The following ZFYVE28 variants were observed in gnomAD, a reference collection of about 807,000 sequenced individuals.
The protein encoded by ZFYVE28 is zinc finger FYVE-type containing 28.
A neutral mutation model predicts 82.1 loss-of-function variants in ZFYVE28; 40 were observed. The observed-to-expected ratio is 0.49, with a 90% CI of 0.38 to 0.63. The LOEUF (loss-of-function observed/expected upper bound fraction) is 0.63, where lower values mean the gene tolerates loss of function less well. Ranked by LOEUF, ZFYVE28 falls within the 30% of genes least tolerant of loss-of-function variation. The probability of loss-of-function intolerance (pLI) is 0.00; values close to 1 mark genes in which losing one functional copy is unlikely to be tolerated. For synonymous variants in ZFYVE28, 612 were observed against 546.1 expected (o/e 1.12, Z -1.68); for missense variants, 1,321 against 1,242.1 (o/e 1.06, Z -0.96).
At chr4:2,304,252 A>G in intron 8 of ZFYVE28, 37 bp downstream of exon 8, 1 of 1,517,938 alleles carries the variant, frequency 6.6e-7, no homozygotes, top group South Asian at 1.3e-5. Context: ...CAGTGCAGAG[A>G]GGACAAACCC....
chr4:2,373,013 C>T (rs1319970171), intron 1 of ZFYVE28, among the ~76,000 whole-genome samples: 4 of 152,120 alleles, frequency 2.6e-5, no homozygotes, highest in Non-Finnish European at 4.4e-5. Flanking sequence ...CCTGAGCCAG[C>T]CTCTACCCCC....
intron 1 of ZFYVE28, among the ~76,000 whole-genome samples, chr4:2,407,925 G>A (rs1732095008): frequency 2.0e-5 from 3 of 152,168 alleles, no homozygotes; most frequent in Admixed American, 6.5e-5. Context: ...GGCTTGGTTT[G>A]ACCTTACGCA....
At chr4:2,323,529 AT>A (rs542831117) in intron 6 of ZFYVE28, among the ~76,000 whole-genome samples, 29 of 150,798 alleles carry the variant, frequency 1.9e-4, no homozygotes, top group African/African-American at 4.4e-4. Flanking sequence ...ATGCATCACA[AT>A]TTTTTTTTCT....
chr4:2,404,144 C>G (rs1299125741), intron 1 of ZFYVE28, among the ~76,000 whole-genome samples: 1 of 151,580 alleles, frequency 6.6e-6, no homozygotes, highest in Non-Finnish European at 1.5e-5. Flanking sequence ...CACGGTGAAA[C>G]CCTGTCTCTA....
intron 1 of ZFYVE28, among the ~76,000 whole-genome samples, chr4:2,361,491 G>T (rs552314454): frequency 3.9e-5 from 6 of 152,096 alleles, no homozygotes; most frequent in Non-Finnish European, 7.4e-5. Context: ...CAGCAGTTAC[G>T]AGGGCTGGCC....
chr4:2,341,581 T>C lies in ZFYVE28; in HGVS notation c.215A>G (p.Asp72Gly), dbSNP rs1310586966. 6.2e-7 allele frequency: 1 copy of C among 1,613,646 alleles called. No individual in the cohort carries two copies. The highest frequency in any genetic ancestry group is 1.7e-5 in the Admixed American group (1 of 60,004). The part of the protein sequence containing the change: ...NVLNIINQIM[D>G]ECIPQDRAPR... ...GGCGCGGTCCTGGGGGATGCACTCA[T>C]CCATGATCTGGTTAATGATGTTCAA... is the stretch of plus-strand genomic sequence containing the variant. Residue 72 changes from aspartate (D) to glycine (G), a missense_variant, in exon 3 of 13, where the codon GAT becomes GGT. This residue lies in a region of ZFYVE28 where 343 missense variants were observed against 408.4 expected (regional missense o/e 0.84). Coordinates refer to ENST00000290974, the MANE Select transcript of ZFYVE28 (RefSeq NM_020972.3). The surrounding 1 kb of genome is among the most constrained non-coding windows in gnomAD (Gnocchi z 4.5).
chr4:2,278,970 T>C (rs1711549084), intron 8 of ZFYVE28, among the ~76,000 whole-genome samples: 1 of 144,252 alleles, frequency 6.9e-6, no homozygotes, highest in African/African-American at 2.5e-5. Flanking sequence ...AAATATGAAG[T>C]TGTGGTGAGG....
At chr4:2,321,953 G>A (rs1016189186) in intron 6 of ZFYVE28, among the ~76,000 whole-genome samples, 18 of 152,164 alleles carry the variant, frequency 1.2e-4, no homozygotes, top group African/African-American at 4.1e-4. Context: ...AAAAGAACTC[G>A]TTCATCAGGA....
intron 8 of ZFYVE28, among the ~76,000 whole-genome samples, chr4:2,299,781 G>A (rs2108817931): frequency 6.6e-6 from 1 of 150,834 alleles, no homozygotes; most frequent in Non-Finnish European, 1.5e-5. Flanking sequence ...GATTTGGGGT[G>A]ATATTTATTT....
chr4:2,273,067 C>T (rs1197808339), intron 10 of ZFYVE28, 106 bp downstream of exon 10: 1 of 925,122 alleles, frequency 1.1e-6, no homozygotes, highest in Non-Finnish European at 1.7e-6. Flanking sequence ...GGTCGGGACC[C>T]TATCTCCCCA....
intron 8 of ZFYVE28, among the ~76,000 whole-genome samples, chr4:2,278,885 A>G (rs1053904610): frequency 1.1e-4 from 17 of 152,040 alleles, no homozygotes; most frequent in Non-Finnish European, 1.9e-4. Flanking sequence ...TGCCAAAAAA[A>G]TTACAATTAA....
intron 7 of ZFYVE28, among the ~76,000 whole-genome samples, chr4:2,307,429 G>T (rs4974649): frequency 0.45 from 68,269 of 151,984 alleles, 16,318 homozygotes; most frequent in Middle Eastern, 0.55. Context: ...TTTGTGTCCT[G>T]TTTAAGAAAT....
intron 6 of ZFYVE28, chr4:2,331,104 A>C (rs898744283): frequency 4.2e-4 from 13 of 31,276 alleles, no homozygotes; most frequent in East Asian, 1.3e-3. Context: ...GGGGCTGGGG[A>C]GGGAGGGAGG....
chr4:2,382,127 A>G (rs773883896), intron 1 of ZFYVE28, among the ~76,000 whole-genome samples: 1 of 152,246 alleles, frequency 6.6e-6, no homozygotes, highest in African/African-American at 2.4e-5. Context: ...GGATGCATGG[A>G]AACACCTGGA....
intron 4 of ZFYVE28, among the ~76,000 whole-genome samples, chr4:2,337,877 T>TACACACACACAC (rs57325124): frequency 4.1e-4 from 62 of 151,050 alleles, no homozygotes; most frequent in East Asian, 1.8e-3. Context: ...TCTCTTAAAA[T>TACACACACACAC]ACACACACAC....
chr4:2,373,288 A>G (rs946648899), intron 1 of ZFYVE28, among the ~76,000 whole-genome samples: 1 of 152,188 alleles, frequency 6.6e-6, no homozygotes, highest in Non-Finnish European at 1.5e-5. Flanking sequence ...GCTCAAGCCC[A>G]GGAGTTCAAG....
intron 7 of ZFYVE28, among the ~76,000 whole-genome samples, chr4:2,310,072 G>T (rs761047988): frequency 7.3e-5 from 11 of 151,432 alleles, no homozygotes; most frequent in African/African-American, 2.7e-4. Flanking sequence ...AATGTCTTGC[G>T]CTGTCACCCA....
At chr4:2,322,430 G>A (rs1719225483) in intron 6 of ZFYVE28, among the ~76,000 whole-genome samples, 5 of 151,614 alleles carry the variant, frequency 3.3e-5, no homozygotes, top group Admixed American at 3.3e-4. Flanking sequence ...AGCACCCACT[G>A]GTGAGCCTGG....
intron 2 of ZFYVE28, among the ~76,000 whole-genome samples, chr4:2,345,117 A>G (rs1210648009): frequency 6.6e-6 from 1 of 151,720 alleles, no homozygotes; most frequent in African/African-American, 2.4e-5. Context: ...GGAGAATGGC[A>G]TGAACCCAGG....
Sources: gnomAD v4.1 joint callset for allele counts (sites outside exome capture counted in the v4.1 genomes callset) on GRCh38, gnomAD v4.1.1 for gene constraint, gnomAD v4.1.1 regional missense constraint, Gnocchi (gnomAD v3.1) non-coding constraint, MANE v1.5 for transcripts, NCBI Gene and HGNC (gene_info 2026-07-23, HGNC 2026-07-21) for gene names.